The following FAM200C variants were observed in gnomAD, a reference collection of about 807,000 sequenced individuals.
chr5:160,395,445 A>T, the FAM200C span: 1 of 1,614,178 alleles, frequency 6.2e-7, no homozygotes, highest in Non-Finnish European at 8.5e-7. Context: ...GTACAGGTGA[A>T]CCAGTAGCGA....
At chr5:160,393,999 A>G in the FAM200C span, 1 of 1,613,616 alleles carries the variant, frequency 6.2e-7, no homozygotes, top group Non-Finnish European at 8.5e-7. Flanking sequence ...CTAGCTCGTA[A>G]TTCAGCAAGA....
chr5:160,398,445 G>C, the FAM200C span, among the ~76,000 whole-genome samples: 2 of 152,298 alleles, frequency 1.3e-5, no homozygotes, highest in South Asian at 4.1e-4. Context: ...GCTGATGCAG[G>C]AGAATCGCTT....
At chr5:160,394,441 T>G in the FAM200C span, 1 of 1,613,520 alleles carries the variant, frequency 6.2e-7, no homozygotes, top group South Asian at 1.1e-5. Flanking sequence ...GAAACTGATT[T>G]ATTTCTTCAT....
At chr5:160,398,782 C>A in the FAM200C span, among the ~76,000 whole-genome samples, 3 of 152,170 alleles carry the variant, frequency 2.0e-5, no homozygotes, top group African/African-American at 7.2e-5. Context: ...TCACAATTTG[C>A]ACTTGCGCTT....
At chr5:160,394,361 A>T in the FAM200C span, 2 of 1,613,756 alleles carry the variant, frequency 1.2e-6, no homozygotes, top group Non-Finnish European at 1.7e-6. Context: ...TAAATCTGCA[A>T]GGTATGCTAG....
At chr5:160,394,467 G>A in the FAM200C span, 1 of 1,613,896 alleles carries the variant, frequency 6.2e-7, no homozygotes, top group Non-Finnish European at 8.5e-7. Flanking sequence ...TCAAAAATGT[G>A]AGTAAGTATT....
chr5:160,393,686 C>T, the FAM200C span: 1 of 1,458,784 alleles, frequency 6.9e-7, no homozygotes, highest in Non-Finnish European at 9.3e-7. Context: ...TGAAATTATT[C>T]ATTAAAAAAG....
the FAM200C span, chr5:160,395,298 T>C: frequency 3.1e-6 from 5 of 1,614,060 alleles, no homozygotes; most frequent in Non-Finnish European, 4.2e-6. Context: ...TGCTTCAGGC[T>C]ATTGAGATCA....
the FAM200C span, chr5:160,394,910 T>C: frequency 6.2e-7 from 1 of 1,613,066 alleles, no homozygotes; most frequent in Non-Finnish European, 8.5e-7. Flanking sequence ...TTCTTTTATA[T>C]AGCGCACAAA....
At chr5:160,398,891 G>C in the FAM200C span, among the ~76,000 whole-genome samples, 2 of 152,068 alleles carry the variant, frequency 1.3e-5, no homozygotes, top group African/African-American at 4.8e-5. Context: ...TGGTATTGTG[G>C]TTGTGTTTTT....
chr5:160,393,661 CAAT>C, the FAM200C span: 120 of 1,293,626 alleles, frequency 9.3e-5, no homozygotes, highest in Middle Eastern at 3.7e-4. Context: ...CTTAATTTTA[CAAT>C]GATATTAAGA....
chr5:160,397,526 G>GT, the FAM200C span: 2 of 152,190 alleles, frequency 1.3e-5, no homozygotes, highest in Non-Finnish European at 2.9e-5. Context: ...CTGAAATAAA[G>GT]TAACAGGTAC....
the FAM200C span, chr5:160,393,730 T>C: frequency 5.8e-6 from 9 of 1,551,658 alleles, no homozygotes; most frequent in Middle Eastern, 1.7e-4. Context: ...GCTGTAGCTG[T>C]AGCTTTTGTT....
At chr5:160,396,198 C>A in the FAM200C span, among the ~76,000 whole-genome samples, 1 of 151,828 alleles carries the variant, frequency 6.6e-6, no homozygotes, top group Admixed American at 6.6e-5. Context: ...CCATTATCCA[C>A]GTCCATGTGT....
At chr5:160,396,993 TG>T in the FAM200C span, among the ~76,000 whole-genome samples, 1 of 152,222 alleles carries the variant, frequency 6.6e-6, no homozygotes, top group Non-Finnish European at 1.5e-5. Flanking sequence ...GCCTAGAATC[TG>T]TATTGTAAGT....
chr5:160,394,194 T>G, the FAM200C span: 2 of 1,612,002 alleles, frequency 1.2e-6, no homozygotes, highest in East Asian at 4.5e-5. Context: ...GAAACAATTA[T>G]TTCTTCAAGA....
chr5:160,393,627 A>T, the FAM200C span: 1 of 1,058,670 alleles, frequency 9.4e-7, no homozygotes, highest in African/African-American at 1.6e-5. Flanking sequence ...GTATATCATA[A>T]ATATGAAAGA....
chr5:160,394,817 T>C, the FAM200C span: 1 of 1,613,920 alleles, frequency 6.2e-7, no homozygotes, highest in Non-Finnish European at 8.5e-7. Context: ...CAGAAAGAAG[T>C]CTCTGAAGAG....
chr5:160,395,824 T>C, the FAM200C span, among the ~76,000 whole-genome samples: 1 of 152,228 alleles, frequency 6.6e-6, no homozygotes, highest in Non-Finnish European at 1.5e-5. Context: ...TTAACTTGTT[T>C]TCAATAATGT....
Sources: gnomAD v4.1 joint callset for allele counts (sites outside exome capture counted in the v4.1 genomes callset) on GRCh38, gnomAD v4.1.1 for gene constraint, MANE v1.5 for transcripts.